ULK4: variants seen among roughly 807,000 people sequenced by gnomAD.
ULK4 encodes the protein inactive serine/threonine-protein kinase ULK4.
In ULK4, 133 loss-of-function variants were observed where a neutral mutation model predicts 160.6. The observed-to-expected ratio is 0.83, with a 90% CI of 0.72 to 0.96. ULK4 has a LOEUF of 0.96. Ranked by LOEUF, ULK4 falls within the 40% of genes least tolerant of loss-of-function variation. The pLI is 0.00. For synonymous variants in ULK4, 534 were observed against 539.8 expected (o/e 0.99, Z 0.15); for missense variants, 1,580 against 1,499.5 (o/e 1.05, Z -0.89).
intron 30 of ULK4, among the ~76,000 whole-genome samples, chr3:41,641,424 C>T (rs1362609513): frequency 3.3e-5 from 5 of 152,136 alleles, no homozygotes; most frequent in East Asian, 1.9e-4. Context: ...AGGCCAGGCA[C>T]GGTGGCTCAT....
rs56035109 is a variant in ULK4 at position 41,296,867 on chromosome 3, C to T, written c.3679-47293G>A. Among the ~76,000 whole-genome samples the T allele has an allele frequency of 2.4e-3, 370 of 151,698 alleles. 3 individuals carry two copies. Among genetic ancestry groups the T allele is most frequent in the African/African-American group, 8.7e-3 (358 of 41,312 alleles). ...AGGGAGGGAAGAAGAAACAAGTGAA[C>T]CTGGAGAGGAAGGGGAGAGGGATAA... On this transcript the variant is annotated intron_variant, in intron 35 of 36. Coordinates refer to ENST00000301831, the MANE Select transcript of ULK4 (RefSeq NM_017886.4).
intron 35 of ULK4, among the ~76,000 whole-genome samples, chr3:41,396,166 A>C (rs1424279622): frequency 3.9e-5 from 6 of 152,130 alleles, no homozygotes; most frequent in African/African-American, 1.4e-4. Flanking sequence ...TCCTGAACTC[A>C]CAGGAGCCCA....
intron 29 of ULK4, 90 bp from the exon 30 acceptor site, chr3:41,663,789 T>C: frequency 9.3e-7 from 1 of 1,074,954 alleles, no homozygotes; most frequent in South Asian, 1.3e-5. Context: ...TCAATTTAGC[T>C]TAAGACAGAA....
At chr3:41,864,499 G>A (rs1175607089) in intron 17 of ULK4, among the ~76,000 whole-genome samples, 1 of 151,990 alleles carries the variant, frequency 6.6e-6, no homozygotes, top group Non-Finnish European at 1.5e-5. Context: ...TGTTAATTTG[G>A]TATCCTTGCA....
chr3:41,921,663 A>G (rs981955030), intron 5 of ULK4, among the ~76,000 whole-genome samples: 4 of 152,208 alleles, frequency 2.6e-5, no homozygotes, highest in Non-Finnish European at 5.9e-5. Context: ...ATGCACTAAT[A>G]AACAATGGAA....
chr3:41,805,386 G>A (rs1276997958), intron 19 of ULK4, among the ~76,000 whole-genome samples: 1 of 152,206 alleles, frequency 6.6e-6, no homozygotes, highest in Admixed American at 6.5e-5. Context: ...ATTTTGGGCT[G>A]AGACAATGGG....
rs139989335 is a variant in ULK4, at chr3:41,745,419, C to G, written c.2321+8942G>C. Among the ~76,000 whole-genome samples the G allele has an allele frequency of 2.1e-3, 312 of 151,486 alleles. 10 individuals carry two copies. The highest frequency in any genetic ancestry group is 7.3e-3 in the African/African-American group (299 of 41,190). On this transcript the variant is annotated intron_variant, in intron 22 of 36. Transcript: ENST00000301831. Reference sequence around the variant, plus strand: ...ATAATTTTTAAAAAATTGACCATTCCTCAAAAACCATAAACTACCAAAACT... The same window carrying G: ...ATAATTTTTAAAAAATTGACCATTCGTCAAAAACCATAAACTACCAAAACT...
Position 41,616,884 on chromosome 3 carries a change from G to T in ULK4, c.3072-1167C>A, listed in dbSNP as rs561244700. On this transcript the variant is annotated intron_variant, in intron 30 of 36. Coordinates refer to ENST00000301831, the MANE Select transcript of ULK4 (RefSeq NM_017886.4). ...GAGCCCAGCAAGCTAAGAACCATTG[G>T]CTTGAAATTCTCACTGCCAGCACAG... is the stretch of plus-strand genomic sequence containing the variant. Among the ~76,000 whole-genome samples, 4 of 152,300 alleles carry T rather than the reference G, an allele frequency of 2.6e-5. No homozygotes were observed. In the East Asian group the frequency reaches 7.7e-4, roughly 29 times the overall value.
intron 34 of ULK4, among the ~76,000 whole-genome samples, chr3:41,434,172 AAGGTGT>A (rs950316613): frequency 2.6e-5 from 4 of 152,214 alleles, no homozygotes; most frequent in African/African-American, 9.6e-5. Context: ...CTATATGAAC[AAGGTGT>A]ATATGAAACA....
intron 31 of ULK4, among the ~76,000 whole-genome samples, chr3:41,597,895 C>G (rs771802957): frequency 5.3e-5 from 8 of 152,146 alleles, no homozygotes. Flanking sequence ...AGCAAAAAAA[C>G]GAAACCAAAC....
At chr3:41,455,621 A>G in intron 33 of ULK4, 26 bp from the exon 34 acceptor site, 2 of 1,611,206 alleles carry the variant, frequency 1.2e-6, no homozygotes, top group African/African-American at 1.3e-5. Context: ...GAGAAATGAA[A>G]GACGGTCTTG....
At chr3:41,299,280 A>G (rs1461174238) in intron 35 of ULK4, among the ~76,000 whole-genome samples, 1 of 152,194 alleles carries the variant, frequency 6.6e-6, no homozygotes, top group African/African-American at 2.4e-5. Flanking sequence ...GATATGTGAG[A>G]CAGACCAGCT....
intron 35 of ULK4, among the ~76,000 whole-genome samples, chr3:41,307,899 AAC>A (rs2079979846): frequency 6.6e-6 from 1 of 152,180 alleles, no homozygotes; most frequent in Non-Finnish European, 1.5e-5. Context: ...TCAGTGGGAA[AAC>A]ACACAGAAAA....
chr3:41,667,858 G>A (rs773491624), intron 29 of ULK4, among the ~76,000 whole-genome samples: 3 of 152,072 alleles, frequency 2.0e-5, no homozygotes, highest in Non-Finnish European at 4.4e-5. Context: ...TCACATATTC[G>A]GGACCTAAGG....
chr3:41,533,961 C>T (rs1575371846), intron 32 of ULK4, among the ~76,000 whole-genome samples: 1 of 152,120 alleles, frequency 6.6e-6, no homozygotes, highest in Non-Finnish European at 1.5e-5. Flanking sequence ...GCGCCCGCCA[C>T]CACGCCCGGC....
intron 32 of ULK4, among the ~76,000 whole-genome samples, chr3:41,547,437 G>A (rs1228638110): frequency 6.6e-6 from 1 of 152,092 alleles, no homozygotes; most frequent in African/African-American, 2.4e-5. Context: ...GATCAACTTG[G>A]AGCCCAGAGA....
chr3:41,585,985 C>T (rs1016052367), intron 31 of ULK4, among the ~76,000 whole-genome samples: 4 of 151,902 alleles, frequency 2.6e-5, no homozygotes, highest in Non-Finnish European at 5.9e-5. Context: ...TTAGGATGGC[C>T]ACTATAAAAA....
intron 34 of ULK4, among the ~76,000 whole-genome samples, chr3:41,433,915 G>C (rs2082973617): frequency 6.6e-6 from 1 of 152,080 alleles, no homozygotes; most frequent in Non-Finnish European, 1.5e-5. Flanking sequence ...GTAGAGACAG[G>C]GTTTCACCAT....
intron 25 of ULK4, among the ~76,000 whole-genome samples, chr3:41,711,442 C>A (rs1012575839): frequency 6.6e-6 from 1 of 152,036 alleles, no homozygotes; most frequent in South Asian, 2.1e-4. Flanking sequence ...AACTGGGATA[C>A]AAATTCATGA....
Sources: allele counts gnomAD v4.1 joint callset (sites outside exome capture counted in the v4.1 genomes callset), GRCh38; gene constraint gnomAD v4.1.1; transcripts MANE v1.5; gene names NCBI Gene and HGNC (gene_info 2026-07-23, HGNC 2026-07-21).